The following SEMA6D variants were observed in gnomAD, a reference collection of about 807,000 sequenced individuals.
SEMA6D encodes the protein semaphorin-6D.
Under a neutral mutation model 106.6 loss-of-function variants are expected in SEMA6D, and 35 were observed. The ratio of observed to expected loss-of-function variants is 0.33; its 90% CI spans 0.25 to 0.44. The LOEUF is 0.44. SEMA6D is among the 20% of genes least tolerant of loss of function. The pLI is 1.00. For missense variants in SEMA6D, 1,185 were observed against 1,345.9 expected (o/e 0.88, Z 1.87); for synonymous variants, 499 against 487.7 (o/e 1.02, Z -0.31).
rs564746300 is a variant in SEMA6D, at chr15:47,765,221, G to A, written c.1427+165G>A. On this transcript the variant is annotated intron_variant, in intron 13 of 18. Transcript: ENST00000536845. ...TAAATCTTGGGTTTGTTTTTTTCCC[G>A]AGCCTGCTAGGGCGAGGGGGGTGAA... is the stretch of plus-strand genomic sequence containing the variant. 2.3e-4 allele frequency: 325 copies of A among 1,407,168 alleles called. No homozygotes were observed. The African/African-American group carries it at 4.4e-3, about 19-fold the overall frequency. 87.2% of individuals were successfully genotyped at this position (1,407,168 alleles called of 1,614,324 possible).
chr15:47,314,951 C>T (rs947046982), intron 1 of SEMA6D, among the ~76,000 whole-genome samples: 18 of 147,152 alleles, frequency 1.2e-4, no homozygotes, highest in African/African-American at 2.0e-4. Flanking sequence ...CTGCAAGCTC[C>T]GCCTCCCGGG....
At chr15:47,215,310 C>A (rs2030475182) in intron 1 of SEMA6D, among the ~76,000 whole-genome samples, 2 of 151,694 alleles carry the variant, frequency 1.3e-5, no homozygotes, top group South Asian at 2.1e-4. Flanking sequence ...GTTATAGTTG[C>A]CCTTGAACAT....
intron 1 of SEMA6D, among the ~76,000 whole-genome samples, chr15:47,382,247 A>G (rs988218015): frequency 5.3e-5 from 8 of 152,154 alleles, no homozygotes; most frequent in Non-Finnish European, 1.2e-4. Flanking sequence ...GGTGGCTCAC[A>G]CCTGTAATCC....
intron 4 of SEMA6D, among the ~76,000 whole-genome samples, chr15:47,629,388 T>A (rs2077256907): frequency 6.6e-6 from 1 of 152,046 alleles, no homozygotes; most frequent in African/African-American, 2.4e-5. Flanking sequence ...CTTACTATGC[T>A]GAGTCTTCCA....
At chr15:47,375,356 C>G (rs2145492634) in intron 1 of SEMA6D, among the ~76,000 whole-genome samples, 1 of 152,318 alleles carries the variant, frequency 6.6e-6, no homozygotes, top group East Asian at 1.9e-4. Flanking sequence ...TGTCCCCTTT[C>G]CCTCTCCCAT....
chr15:47,586,706 A>G (rs1489930573), intron 3 of SEMA6D, among the ~76,000 whole-genome samples: 2 of 152,144 alleles, frequency 1.3e-5, no homozygotes, highest in Non-Finnish European at 2.9e-5. Flanking sequence ...TCATAGTAAC[A>G]GTGATTTGTG....
At chr15:47,287,456 A>T (rs924932564) in intron 1 of SEMA6D, among the ~76,000 whole-genome samples, 2 of 152,196 alleles carry the variant, frequency 1.3e-5, no homozygotes, top group African/African-American at 4.8e-5. Flanking sequence ...CTAGATTCTA[A>T]TAACTCCAGC....
chr15:47,717,509 C>CGCTGCT lies in SEMA6D; in HGVS notation c.-223_-218dup. On this transcript the variant is annotated 5_prime_UTR_variant, in exon 1 of 19. Transcript: ENST00000536845. ...GGTTTGTTTTGCTCCTGCTCTGTCCCGCTGCTGCTGCTGCTGCTGCAAGGG... is the reference window on the plus strand; with the variant it reads ...GGTTTGTTTTGCTCCTGCTCTGTCCCGCTGCTGCTGCTGCTGCTGCTGCTGCAAGGG... 1.3e-5 allele frequency: 2 copies of CGCTGCT among 154,782 alleles called. 1 individual carries two copies. Among genetic ancestry groups the CGCTGCT allele is most frequent in the South Asian group, 4.1e-4 (2 of 4,874 alleles). 9.6% of individuals were successfully genotyped at this position (154,782 alleles called of 1,614,324 possible). A position where few individuals can be genotyped will look rare whatever the true frequency, so the allele number is the denominator to read the frequency against.
At chr15:47,519,133 A>C (rs2044487537) in intron 3 of SEMA6D, among the ~76,000 whole-genome samples, 1 of 152,164 alleles carries the variant, frequency 6.6e-6, no homozygotes, top group Admixed American at 6.5e-5. Context: ...AAACGTTAAA[A>C]ATTAAATAAA....
chr15:47,771,867 GA>G lies in SEMA6D; in HGVS notation c.*83del. The G allele has an allele frequency of 7.3e-7, 1 of 1,365,280 alleles. No homozygotes were observed. The highest frequency in any genetic ancestry group is 1.0e-6 in the Non-Finnish European group (1 of 995,278). The allele number at this position is 1,365,280 out of a possible 1,614,324, so 84.6% of individuals were successfully genotyped here. A position where few individuals can be genotyped will look rare whatever the true frequency, so the allele number is the denominator to read the frequency against. On this transcript the variant is annotated 3_prime_UTR_variant, in exon 19 of 19. Transcript: ENST00000536845. ...ATGTTGTAAGGGTACCTTAAAACAA[GA>G]GACTCGCTTGTATTTTAAGAGAACC...
At chr15:47,267,340 T>C (rs986123564) in intron 1 of SEMA6D, among the ~76,000 whole-genome samples, 1 of 152,046 alleles carries the variant, frequency 6.6e-6, no homozygotes, top group Non-Finnish European at 1.5e-5. Flanking sequence ...AGTAACTTTA[T>C]GTTTTTTTCC....
intron 4 of SEMA6D, among the ~76,000 whole-genome samples, chr15:47,651,516 A>C (rs1405469418): frequency 6.6e-6 from 1 of 152,222 alleles, no homozygotes; most frequent in East Asian, 1.9e-4. Context: ...AGCTGATCTT[A>C]TTGGGACCTT....
At chr15:47,397,423 A>T (rs1181012465) in intron 1 of SEMA6D, 1 of 151,932 alleles carries the variant, frequency 6.6e-6, no homozygotes, top group Non-Finnish European at 1.5e-5. Flanking sequence ...TTTTTTTTGC[A>T]GTCCTATCAA....
intron 1 of SEMA6D, among the ~76,000 whole-genome samples, chr15:47,294,453 A>G (rs974452408): frequency 6.6e-6 from 1 of 152,094 alleles, no homozygotes; most frequent in African/African-American, 2.4e-5. Context: ...CAAATTCCTG[A>G]CCTTGTGCTT....
intron 1 of SEMA6D, among the ~76,000 whole-genome samples, chr15:47,210,959 A>G (rs894637386): frequency 2.0e-5 from 3 of 152,028 alleles, no homozygotes; most frequent in Non-Finnish European, 4.4e-5. Context: ...TATAATGTCA[A>G]TGCTCATATA....
chr15:47,473,783 C>T (rs1294872341), intron 3 of SEMA6D, among the ~76,000 whole-genome samples: 2 of 152,194 alleles, frequency 1.3e-5, no homozygotes, highest in African/African-American at 4.8e-5. Context: ...TGTGACTACA[C>T]TGCTCGAAAC....
chr15:47,440,666 C>T (rs531124556), intron 2 of SEMA6D, among the ~76,000 whole-genome samples: 2 of 151,264 alleles, frequency 1.3e-5, no homozygotes, highest in Non-Finnish European at 2.9e-5. Flanking sequence ...AAAAAAAAGA[C>T]GGGTGTTGAA....
chr15:47,354,374 TATATATATATATGGA>T (rs6145552), intron 1 of SEMA6D, among the ~76,000 whole-genome samples: 20,922 of 145,268 alleles, frequency 0.14, 1,707 homozygotes, highest in East Asian at 0.34. Context: ...TGAAAGCTTA[TATATATATATATGGA>T]ATATATATAT....
At chr15:47,665,559 C>G (rs749188894) in intron 4 of SEMA6D, among the ~76,000 whole-genome samples, 10 of 152,182 alleles carry the variant, frequency 6.6e-5, no homozygotes, top group Admixed American at 2.6e-4. Context: ...CCTGTAATCC[C>G]AGCACTTTGG....
Sources: gnomAD v4.1 joint callset for allele counts (sites outside exome capture counted in the v4.1 genomes callset) on GRCh38, gnomAD v4.1.1 for gene constraint, MANE v1.5 for transcripts, NCBI Gene and HGNC (gene_info 2026-07-23, HGNC 2026-07-21) for gene names.